The following DLG2 variants were observed in gnomAD, a reference collection of about 807,000 sequenced individuals.
DLG2 encodes discs large MAGUK scaffold protein 2, also known as disks large homolog 2.
DLG2 carries 45 observed loss-of-function variants against 132.5 expected under a neutral mutation model. The observed-to-expected ratio is 0.34, with a 90% CI of 0.27 to 0.44. The LOEUF is 0.44. Among genes scored for constraint, DLG2 ranks in the 20% least tolerant of loss-of-function variants. DLG2 has a pLI of 1.00. For missense variants in DLG2, 1,045 were observed against 1,196.9 expected, an observed-to-expected ratio of 0.87 and a Z score of 1.87; for synonymous variants, 424 against 419.6, an observed-to-expected ratio of 1.01 and a Z score of -0.13.
At chr11:85,196,832 T>C (rs1214558453) in intron 4 of DLG2, among the ~76,000 whole-genome samples, 2 of 152,172 alleles carry the variant, frequency 1.3e-5, no homozygotes, top group African/African-American at 4.8e-5. Context: ...CCCAGCCAAA[T>C]ATAAAGGAAA....
rs140566423 is a variant in DLG2, at chr11:84,933,983, G to A, written c.357+177678C>T. Among the ~76,000 whole-genome samples, 37 of 152,238 alleles carry A rather than the reference G, an allele frequency of 2.4e-4. No homozygotes were observed. In the East Asian group the frequency reaches 3.3e-3, roughly 14 times the overall value. On this transcript the variant is annotated intron_variant, in intron 6 of 27. Transcript: ENST00000376104. Reference sequence around the variant, plus strand: ...CTTTCAGCTTTTGCCCATTCAGTACGATGTTGGTTGTCGGTTTGTTCTACC... The same window carrying A: ...CTTTCAGCTTTTGCCCATTCAGTACAATGTTGGTTGTCGGTTTGTTCTACC...
At chr11:85,396,109 C>T (rs1289782703) in intron 3 of DLG2, among the ~76,000 whole-genome samples, 3 of 152,306 alleles carry the variant, frequency 2.0e-5, no homozygotes, top group Admixed American at 2.0e-4. Context: ...GCAGCCTCCG[C>T]TGGTGATACC....
intron 6 of DLG2, among the ~76,000 whole-genome samples, chr11:85,012,308 C>CCT (rs545436863): frequency 3.1e-5 from 2 of 65,316 alleles, no homozygotes; most frequent in South Asian, 4.6e-4. Flanking sequence ...GGGTGGATCA[C>CCT]GAGGTCAGGA....
chr11:85,325,005 G>A (rs1490482421), intron 3 of DLG2, among the ~76,000 whole-genome samples: 1 of 145,156 alleles, frequency 6.9e-6, no homozygotes, highest in East Asian at 2.0e-4. Context: ...CAAAGAAAGG[G>A]GTGACGGACG....
rs531645172 is a variant in DLG2, at chr11:84,819,150, G to T, written c.358-284419C>A. ...CAACAATCTAGTAAAGGTACACAGA[G>T]AACAGAAGAAAGCCTCTAAAAGATC... On this transcript the variant is annotated intron_variant, in intron 6 of 27. Transcript: ENST00000376104. Among the ~76,000 whole-genome samples, 6 of 149,616 alleles carry T rather than the reference G, an allele frequency of 4.0e-5. No individual in the cohort carries two copies. In the South Asian group the frequency reaches 1.3e-3, roughly 31 times the overall value.
At chr11:83,818,239 G>A in intron 17 of DLG2, among the ~76,000 whole-genome samples, 1 of 152,182 alleles carries the variant, frequency 6.6e-6, no homozygotes, top group Non-Finnish European at 1.5e-5. Flanking sequence ...GTTGGTCTGG[G>A]CTGTTGATAA....
At chr11:83,989,533 G>T (rs1450367292) in intron 11 of DLG2, among the ~76,000 whole-genome samples, 2 of 152,172 alleles carry the variant, frequency 1.3e-5, no homozygotes, top group African/African-American at 4.8e-5. Context: ...ACTTCTTAGA[G>T]GAGAAGGAGA....
chr11:83,837,028 T>C (rs1293204923), intron 16 of DLG2, among the ~76,000 whole-genome samples: 2 of 152,186 alleles, frequency 1.3e-5, no homozygotes, highest in East Asian at 3.9e-4. Flanking sequence ...GGAGAGAAGA[T>C]GGGGTGCTGA....
At chr11:84,861,640 C>CTTACAAACAACAAAAAAAAAAAAAAAAA (rs2083692774) in intron 6 of DLG2, among the ~76,000 whole-genome samples, 1 of 75,652 alleles carries the variant, frequency 1.3e-5, no homozygotes, top group Admixed American at 1.8e-4. Context: ...AAAAAAAAAA[C>CTTACAAACAACAAAAAAAAAAAAAAAAA]AAAAAAAAAA....
intron 19 of DLG2, among the ~76,000 whole-genome samples, chr11:83,558,074 C>T (rs1040595653): frequency 1.3e-5 from 2 of 152,186 alleles, no homozygotes; most frequent in Non-Finnish European, 1.5e-5. Flanking sequence ...AATCCACAGA[C>T]ATGTGGGTTT....
chr11:83,874,890 A>G (rs1309265700), intron 15 of DLG2, among the ~76,000 whole-genome samples: 1 of 152,194 alleles, frequency 6.6e-6, no homozygotes, highest in Non-Finnish European at 1.5e-5. Flanking sequence ...GCTTTTAACG[A>G]TAGGTGAACA....
At chr11:85,609,390 G>C (rs1264506143) in intron 2 of DLG2, among the ~76,000 whole-genome samples, 2 of 152,140 alleles carry the variant, frequency 1.3e-5, no homozygotes, top group South Asian at 4.1e-4. Flanking sequence ...AAGAGGAACA[G>C]GCCCAAAAGG....
At chr11:85,268,635 A>G (rs2077355394) in intron 4 of DLG2, among the ~76,000 whole-genome samples, 1 of 152,226 alleles carries the variant, frequency 6.6e-6, no homozygotes, top group African/African-American at 2.4e-5. Context: ...GTAACTAAAC[A>G]TGGCTAAATT....
At chr11:85,626,022 G>T (rs961340277) in intron 2 of DLG2, among the ~76,000 whole-genome samples, 3 of 152,236 alleles carry the variant, frequency 2.0e-5, no homozygotes, top group Non-Finnish European at 1.5e-5. Flanking sequence ...TGACAATCAT[G>T]TTATTGGATA....
Position 85,447,382 on chromosome 11 carries a change from A to C in DLG2, c.40+151275T>G, listed in dbSNP as rs555728601. On this transcript the variant is annotated intron_variant, in intron 3 of 27. Transcript: ENST00000376104. ...TAGAGATGGGGTCTTTAAAGAGGAA[A>C]TCAAGTTAAATGAGGTAATTAGGGT... Among the ~76,000 whole-genome samples the C allele has an allele frequency of 2.6e-5, 4 of 152,328 alleles. No individual in the cohort carries two copies. The South Asian group carries it at 8.3e-4, about 32-fold the overall frequency.
At chr11:84,538,816 C>G (rs1184941181) in intron 6 of DLG2, among the ~76,000 whole-genome samples, 3 of 152,092 alleles carry the variant, frequency 2.0e-5, no homozygotes, top group African/African-American at 7.2e-5. Context: ...CCAGTGCCAA[C>G]CAGACATTCC....
At chr11:84,901,871 A>C (rs766075187) in intron 6 of DLG2, among the ~76,000 whole-genome samples, 3 of 152,114 alleles carry the variant, frequency 2.0e-5, no homozygotes, top group Non-Finnish European at 2.9e-5. Flanking sequence ...CAGTTTACTA[A>C]ACATTTTCTT....
intron 6 of DLG2, among the ~76,000 whole-genome samples, chr11:84,903,168 A>C (rs922738081): frequency 1.3e-5 from 2 of 152,176 alleles, no homozygotes; most frequent in Non-Finnish European, 2.9e-5. Flanking sequence ...TGGTGATACT[A>C]TAAAACATAC....
At position 83,533,377 on chromosome 11, in the gene DLG2, G is replaced by A. The variant is rs375931139; in HGVS notation, c.2118-594C>T. Among the ~76,000 whole-genome samples, 14 of 152,010 alleles carry A rather than the reference G, an allele frequency of 9.2e-5. No homozygotes were observed. The East Asian group carries it at 1.7e-3, about 19-fold the overall frequency. On this transcript the variant is annotated intron_variant, in intron 20 of 27. Transcript: ENST00000376104. ...ACCATGTATCAAGCAAGGAGCTGGGGGACAAAGAAAAAATATTCTAAAAGC... is the reference window on the plus strand; with the variant it reads ...ACCATGTATCAAGCAAGGAGCTGGGAGACAAAGAAAAAATATTCTAAAAGC...
Sources: gnomAD v4.1 joint callset for allele counts (sites outside exome capture counted in the v4.1 genomes callset) on GRCh38, gnomAD v4.1.1 for gene constraint, MANE v1.5 for transcripts, NCBI Gene and HGNC (gene_info 2026-07-23, HGNC 2026-07-21) for gene names.